Variants in COL4A3 observed in about 807,000 individuals in gnomAD.
COL4A3 encodes collagen alpha-3(IV) chain.
In COL4A3, 135 loss-of-function variants were observed where a neutral mutation model predicts 217.4. That is an observed-to-expected ratio of 0.62 (90% confidence interval 0.54 to 0.72). COL4A3 has a LOEUF of 0.72. Ranked by LOEUF, COL4A3 falls within the 30% of genes least tolerant of loss-of-function variation. COL4A3 has a pLI of 0.00. For missense variants in COL4A3, 1,868 were observed against 2,119.9 expected, an observed-to-expected ratio of 0.88 and a Z score of 2.33; for synonymous variants, 690 against 736.3, an observed-to-expected ratio of 0.94 and a Z score of 1.02.
chr2:227,244,752 C>G (rs1412069046), intron 4 of COL4A3, 199 bp from the exon 5 acceptor site: 1 of 754,108 alleles, frequency 1.3e-6, no homozygotes, highest in Non-Finnish European at 2.4e-6. Context: ...TTAATGATAT[C>G]TTTTTAAGAG....
At chr2:227,249,231 T>TATATATATATATATATATA (rs71036175) in intron 9 of COL4A3, among the ~76,000 whole-genome samples, 3 of 19,490 alleles carry the variant, frequency 1.5e-4, no homozygotes, top group Non-Finnish European at 2.3e-4. Context: ...TATATATATA[T>TATATATATATATATATATA]TTTTTTTTTT....
intron 1 of COL4A3, among the ~76,000 whole-genome samples, chr2:227,173,551 A>T (rs972221626): frequency 1.1e-4 from 16 of 152,194 alleles, no homozygotes; most frequent in African/African-American, 3.6e-4. Context: ...TATTACTGCG[A>T]TAGTTTTCAA....
In COL4A3 at chr2:227,253,234, G is replaced by T. The variant is rs1357924324; in HGVS notation, c.646-62G>T. The T allele has an allele frequency of 1.5e-6, 2 of 1,359,874 alleles. No homozygotes were observed. The highest frequency in any genetic ancestry group is 2.3e-5 in the South Asian group (2 of 85,436). The allele number at this position is 1,359,874 out of a possible 1,614,324, so 84.2% of individuals were successfully genotyped here. ...CCTTACAAATATTGGAACTTTGATG[G>T]GTTTAGACTATTTATTCATATTTAT... On this transcript the variant is annotated intron_variant, in intron 11 of 51. Coordinates refer to ENST00000396578, the MANE Select transcript of COL4A3 (RefSeq NM_000091.5). The surrounding 1 kb of genome is among the most constrained non-coding windows in gnomAD (Gnocchi z 4.4).
Position 227,249,228 on chromosome 2 carries a change from A to ATTTTT in COL4A3, c.546+709_546+710insTTTTT, listed in dbSNP as rs1437063843. On this transcript the variant is annotated intron_variant, in intron 9 of 51. Coordinates refer to ENST00000396578, the MANE Select transcript of COL4A3 (RefSeq NM_000091.5). ...AATTAGCTAGTATATATATATATAT[A>ATTTTT]TATTTTTTTTTTTTTTTTTTTTTTT... Among the ~76,000 whole-genome samples, 60 of 22,176 alleles carry ATTTTT rather than the reference A, an allele frequency of 2.7e-3. 4 individuals carry two copies. The highest frequency in any genetic ancestry group is 4.6e-3 in the Non-Finnish European group (46 of 10,016). 14.5% of individuals were successfully genotyped at this position (22,176 alleles called of 152,430 possible).
chr2:227,182,003 C>T (rs1416797300), intron 1 of COL4A3, among the ~76,000 whole-genome samples: 1 of 152,032 alleles, frequency 6.6e-6, no homozygotes, highest in Non-Finnish European at 1.5e-5. Flanking sequence ...TCTATCTTTT[C>T]TTATTTAATC....
intron 46 of COL4A3, 24 bp downstream of exon 46, chr2:227,304,168 T>G: frequency 6.2e-7 from 1 of 1,613,394 alleles, no homozygotes; most frequent in Admixed American, 1.7e-5. Flanking sequence ...AGCATTGACT[T>G]GGATCACTAG....
At chr2:227,249,770 T>C (rs1427302651) in intron 9 of COL4A3, among the ~76,000 whole-genome samples, 1 of 152,170 alleles carries the variant, frequency 6.6e-6, no homozygotes, top group Non-Finnish European at 1.5e-5. Context: ...CTCGCTTTTT[T>C]GCTTAGAAAA....
In COL4A3 at chr2:227,246,719, T is replaced by C. The variant is rs10178458; in HGVS notation, c.422T>C (p.Leu141Pro). The C allele has an allele frequency of 0.83, 1,341,043 of 1,610,764 alleles. 560,578 individuals carry two copies. The highest frequency in any genetic ancestry group is 0.89 in the East Asian group (39,981 of 44,828). ...EQGFPGLPGT[L>P]GYPGIPGAAG... ...GGGTTTCCAGGACTCCCAGGGACACTGGGCTACCCAGGGATCCCGGTAGGT... is the reference window on the plus strand; with the variant it reads ...GGGTTTCCAGGACTCCCAGGGACACCGGGCTACCCAGGGATCCCGGTAGGT... Residue 141 changes from leucine to proline, a missense_variant, in exon 7 of 52, where the codon CTG becomes CCG. Transcript: ENST00000396578.
In COL4A3 at chr2:227,259,886, A is replaced by G; in HGVS notation, c.1114+9A>G. On this transcript the variant is annotated intron_variant, in intron 19 of 51. Transcript: ENST00000396578. ...AGCTCGTGGCCCACAAGGTAAGAAT[A>G]AATTTCTTCCTAAAGCATTTGCTGA... 1 of 1,603,276 alleles carries G rather than the reference A, an allele frequency of 6.2e-7. No individual in the cohort carries two copies. The highest frequency in any genetic ancestry group is 8.5e-7 in the Non-Finnish European group (1 of 1,170,018).
At chr2:227,241,931 C>G (rs1472332074) in intron 3 of COL4A3, among the ~76,000 whole-genome samples, 2 of 152,134 alleles carry the variant, frequency 1.3e-5, no homozygotes, top group Non-Finnish European at 2.9e-5. Context: ...GTAATTTTTC[C>G]TGGGTCACGC....
At chr2:227,165,715 T>C (rs2065235770) in intron 1 of COL4A3, among the ~76,000 whole-genome samples, 1 of 152,212 alleles carries the variant, frequency 6.6e-6, no homozygotes, top group African/African-American at 2.4e-5. Context: ...GAGATTATGA[T>C]TGGAAATTAA....
intron 1 of COL4A3, among the ~76,000 whole-genome samples, chr2:227,229,251 T>C (rs1368146325): frequency 6.6e-6 from 1 of 152,200 alleles, no homozygotes; most frequent in South Asian, 2.1e-4. Context: ...TGTAATATAT[T>C]TGATCTGGCA....
At chr2:227,234,023 C>T (rs1011266426) in intron 1 of COL4A3, among the ~76,000 whole-genome samples, 1 of 152,108 alleles carries the variant, frequency 6.6e-6, no homozygotes. Context: ...AAACTGGTAT[C>T]CTGAAGTTAC....
At chr2:227,303,231 C>A in intron 44 of COL4A3, 121 bp downstream of exon 44, 1 of 788,468 alleles carries the variant, frequency 1.3e-6, no homozygotes, top group African/African-American at 1.7e-5. Flanking sequence ...GACCTCAATA[C>A]GAGTGAAGTA....
In COL4A3 at chr2:227,266,413, A is replaced by T; in HGVS notation, c.1316-4A>T. The T allele has an allele frequency of 6.2e-7, 1 of 1,612,044 alleles. No homozygotes were observed. Among genetic ancestry groups the T allele is most frequent in the African/African-American group, 1.3e-5 (1 of 75,028 alleles). The stretch of plus-strand genomic sequence containing the variant: ...AAATTGTCTTTGGTGCTGTATTTTT[A>T]TAGGTGACATCGTTTTTCGCAAGGG... On this transcript the variant is annotated splice_region_variant and splice_polypyrimidine_tract_variant and intron_variant, in intron 21 of 51. Transcript: ENST00000396578.
intron 28 of COL4A3, among the ~76,000 whole-genome samples, chr2:227,278,694 A>G (rs1244857789): frequency 6.6e-6 from 1 of 152,164 alleles, no homozygotes; most frequent in Non-Finnish European, 1.5e-5. Context: ...AATAAATTAC[A>G]TCCCTACTTT....
rs557888604 is a variant in COL4A3 at position 227,187,323 on chromosome 2, C to T, written c.87+22510C>T. On this transcript the variant is annotated intron_variant, in intron 1 of 51. Coordinates refer to ENST00000396578, the MANE Select transcript of COL4A3 (RefSeq NM_000091.5). ...GTGAGGATGGGGAGACGCTGATAAT[C>T]ACACAGTTGTGACTAAGAAGAGAAT... 1.7e-3 allele frequency among the ~76,000 whole-genome samples: 256 copies of T among 152,268 alleles called. 2 individuals carry two copies. The highest frequency in any genetic ancestry group is 2.8e-3 in the Non-Finnish European group (190 of 68,020).
chr2:227,193,613 G>C (rs1448641467), intron 1 of COL4A3, among the ~76,000 whole-genome samples: 1 of 149,828 alleles, frequency 6.7e-6, no homozygotes, highest in Admixed American at 6.9e-5. Flanking sequence ...TTGGGAGGTT[G>C]AGGCAGGAGA....
chr2:227,271,446 G>A (rs1002309776), intron 25 of COL4A3, among the ~76,000 whole-genome samples: 1 of 148,922 alleles, frequency 6.7e-6, no homozygotes, highest in Non-Finnish European at 1.5e-5. Flanking sequence ...TTTAATTGAG[G>A]TAATACCTAC....
Sources: allele counts gnomAD v4.1 joint callset (sites outside exome capture counted in the v4.1 genomes callset), GRCh38; gene constraint gnomAD v4.1.1; non-coding constraint Gnocchi (gnomAD v3.1); transcripts MANE v1.5; gene names NCBI Gene and HGNC (gene_info 2026-07-23, HGNC 2026-07-21).